SPIDR: variants seen among roughly 807,000 people sequenced by gnomAD.
SPIDR encodes scaffold protein involved in DNA repair, also known as DNA repair-scaffolding protein.
SPIDR carries 93 observed loss-of-function variants against 104.6 expected under a neutral mutation model. The observed-to-expected ratio is 0.89, with a 90% CI of 0.75 to 1.06. The LOEUF is 1.06. Among genes scored for constraint, SPIDR ranks in the 50% least tolerant of loss-of-function variants. SPIDR has a pLI of 0.00. For synonymous variants in SPIDR, 431 were observed against 416.9 expected (o/e 1.03, Z -0.41); for missense variants, 1,154 against 1,111.2 (o/e 1.04, Z -0.55).
chr8:47,681,954 A>G (rs1052603400), intron 11 of SPIDR, among the ~76,000 whole-genome samples: 1 of 152,160 alleles, frequency 6.6e-6, no homozygotes, highest in African/African-American at 2.4e-5. Context: ...CTAAACAGTC[A>G]TGAATCTTCA....
intron 9 of SPIDR, among the ~76,000 whole-genome samples, chr8:47,597,212 A>C (rs773753510): frequency 9.8e-5 from 15 of 152,344 alleles, no homozygotes; most frequent in Middle Eastern, 3.4e-3. Context: ...TGCAACTGGC[A>C]ACACACTACC....
At chr8:47,399,118 G>T (rs569176457) in intron 6 of SPIDR, among the ~76,000 whole-genome samples, 1 of 152,160 alleles carries the variant, frequency 6.6e-6, no homozygotes, top group African/African-American at 2.4e-5. Flanking sequence ...GAGGGTCAAG[G>T]TTTCTTATTT....
At chr8:47,504,496 A>G (rs1451716666) in intron 8 of SPIDR, among the ~76,000 whole-genome samples, 1 of 152,114 alleles carries the variant, frequency 6.6e-6, no homozygotes, top group African/African-American at 2.4e-5. Flanking sequence ...GAGGTCCTTT[A>G]AGGACTTCTC....
chr8:47,545,070 C>G (rs1405771202), intron 8 of SPIDR, among the ~76,000 whole-genome samples: 2 of 136,892 alleles, frequency 1.5e-5, no homozygotes, highest in Non-Finnish European at 3.2e-5. Flanking sequence ...TTCTTTTTAT[C>G]TTTTCTTTCT....
At position 47,673,891 on chromosome 8, in the gene SPIDR, G is replaced by A; in HGVS notation, c.1635G>A (p.Lys545=). The change falls in exon 11 of 20, where the codon AAG becomes AAA. Residue 545 remains lysine (K), a synonymous_variant. Transcript: ENST00000297423. The part of the protein sequence containing the change: ...TMSKARQLEG[K]SCSLVGMKVL... ...CGAAGGCAAGACAGTTGGAAGGGAA[G>A]TCTTGCAGCCTGGTGGGAATGAAGG... The A allele has an allele frequency of 6.2e-7, 1 of 1,614,192 alleles. No individual in the cohort carries two copies. The highest frequency in any genetic ancestry group is 8.5e-7 in the Non-Finnish European group (1 of 1,180,026).
Position 47,701,801 on chromosome 8 carries a change from C to T in SPIDR, c.1854C>T (p.Asp618=), listed in dbSNP as rs1326164279. The T allele has an allele frequency of 1.2e-5, 20 of 1,613,970 alleles. No homozygotes were observed. The highest frequency in any genetic ancestry group is 1.6e-5 in the Non-Finnish European group (19 of 1,180,004). Residue 618 remains aspartate (D), a synonymous_variant, in exon 13 of 20, where the codon GAC becomes GAT. Coordinates refer to ENST00000297423, the MANE Select transcript of SPIDR (RefSeq NM_001080394.4). ...ATCTGGGACAAATTGATATAATTGA[C>T]GAAGACCCCATTTATAAGCTTTACC... is the stretch of plus-strand genomic sequence containing the variant. The part of the protein sequence containing the change: ...HPNLGQIDII[D]EDPIYKLYQP...
chr8:47,441,097 C>G (rs1023253585), intron 8 of SPIDR, among the ~76,000 whole-genome samples: 1 of 152,020 alleles, frequency 6.6e-6, no homozygotes, highest in South Asian at 2.1e-4. Flanking sequence ...TTTGAGCAGC[C>G]TTGTTTTAAG....
intron 8 of SPIDR, among the ~76,000 whole-genome samples, chr8:47,501,070 G>A (rs2080335973): frequency 6.6e-6 from 1 of 152,154 alleles, no homozygotes; most frequent in South Asian, 2.1e-4. Context: ...TTGAAGTCAG[G>A]TAGCGTGATG....
chr8:47,647,663 A>G (rs1479949949), intron 10 of SPIDR, among the ~76,000 whole-genome samples: 25 of 134,528 alleles, frequency 1.9e-4, no homozygotes, highest in Non-Finnish European at 3.1e-4. Flanking sequence ...AGGGAGAGAG[A>G]GAGAGGGAGA....
Position 47,633,558 on chromosome 8 carries a change from G to GAAA in SPIDR, c.1544+34375_1544+34377dup, listed in dbSNP as rs113678854. 1.0e-2 allele frequency among the ~76,000 whole-genome samples: 1,336 copies of GAAA among 134,254 alleles called. 14 individuals carry two copies. The highest frequency in any genetic ancestry group is 0.011 in the Admixed American group (146 of 13,282). 88.1% of individuals were successfully genotyped at this position (134,254 alleles called of 152,430 possible). On this transcript the variant is annotated intron_variant, in intron 10 of 19. Coordinates refer to ENST00000297423, the MANE Select transcript of SPIDR (RefSeq NM_001080394.4). ...TTGAAGACTAGATATGCAAATGATT[G>GAAA]AAAAAAAAAAAAAAACAAAAACCAA...
At chr8:47,553,350 G>A (rs1704329458) in intron 8 of SPIDR, among the ~76,000 whole-genome samples, 1 of 152,158 alleles carries the variant, frequency 6.6e-6, no homozygotes, top group African/African-American at 2.4e-5. Context: ...TTCCAACTTG[G>A]TTCCATTCTC....
At chr8:47,290,986 G>T in intron 3 of SPIDR, 47 bp from the exon 4 acceptor site, 2 of 1,370,946 alleles carry the variant, frequency 1.5e-6, no homozygotes, top group South Asian at 2.8e-5. Context: ...TCTGATAAAT[G>T]ACCATATAAG....
At chr8:47,622,241 A>C (rs1313144453) in intron 10 of SPIDR, among the ~76,000 whole-genome samples, 2 of 152,188 alleles carry the variant, frequency 1.3e-5, no homozygotes, top group East Asian at 3.9e-4. Context: ...GGAGTAAGGA[A>C]AACAAAAAGG....
intron 8 of SPIDR, among the ~76,000 whole-genome samples, chr8:47,514,318 C>G (rs1277583835): frequency 6.6e-6 from 1 of 152,136 alleles, no homozygotes; most frequent in Non-Finnish European, 1.5e-5. Flanking sequence ...AAACTCATCC[C>G]TGGTCTCATA....
chr8:47,422,259 C>T (rs560806568), intron 7 of SPIDR, among the ~76,000 whole-genome samples: 4 of 152,174 alleles, frequency 2.6e-5, no homozygotes, highest in Non-Finnish European at 5.9e-5. Flanking sequence ...GGCTCCACCC[C>T]GTTTGAGCTT....
intron 8 of SPIDR, among the ~76,000 whole-genome samples, chr8:47,565,759 A>C (rs1422769670): frequency 1.3e-5 from 2 of 150,720 alleles, no homozygotes; most frequent in African/African-American, 4.8e-5. Context: ...ATACTATTCA[A>C]ATATTTACAT....
At chr8:47,662,653 A>T (rs572952227) in intron 10 of SPIDR, among the ~76,000 whole-genome samples, 41 of 152,314 alleles carry the variant, frequency 2.7e-4, no homozygotes, top group Non-Finnish European at 5.4e-4. Context: ...AATTTTTCAT[A>T]AATATGTTTA....
chr8:47,575,125 T>TA (rs1337116974), intron 8 of SPIDR, among the ~76,000 whole-genome samples: 1 of 152,194 alleles, frequency 6.6e-6, no homozygotes, highest in African/African-American at 2.4e-5. Flanking sequence ...AAAATTAGCC[T>TA]AAGTAGAAAT....
At chr8:47,704,850 G>C (rs2080846480) in intron 14 of SPIDR, among the ~76,000 whole-genome samples, 1 of 152,168 alleles carries the variant, frequency 6.6e-6, no homozygotes, top group Admixed American at 6.5e-5. Context: ...CAAGGACGAG[G>C]CAGGGCACGT....
Sources: allele counts gnomAD v4.1 joint callset (sites outside exome capture counted in the v4.1 genomes callset), GRCh38; gene constraint gnomAD v4.1.1; transcripts MANE v1.5; gene names NCBI Gene and HGNC (gene_info 2026-07-23, HGNC 2026-07-21).